GSTA5: variants seen among roughly 807,000 people sequenced by gnomAD.
GSTA5 encodes the protein glutathione S-transferase alpha 5.
In GSTA5, 25 loss-of-function variants were observed where a neutral mutation model predicts 21.8. The ratio of observed to expected loss-of-function variants is 1.14; its 90% CI spans 0.83 to 1.60. The LOEUF is 1.60. Ranked by LOEUF, GSTA5 falls within the 40% of genes most tolerant of loss-of-function variation. The pLI, the probability that GSTA5 is intolerant of heterozygous loss-of-function variation, is 0.00. For synonymous variants in GSTA5, 102 were observed against 89.5 expected (o/e 1.14, Z -0.78); for missense variants, 330 against 259.2 (o/e 1.27, Z -1.88).
At chr6:52,845,287 A>G (rs1764438703), upstream of GSTA5, among the ~76,000 whole-genome samples, 1 of 152,126 alleles carries the variant, frequency 6.6e-6, no homozygotes, top group Non-Finnish European at 1.5e-5. Context: ...ATGGTTCTCA[A>G]CTGGGGAGAT....
At chr6:52,841,564 T>A (rs767545463), upstream of GSTA5, among the ~76,000 whole-genome samples, 1 of 152,236 alleles carries the variant, frequency 6.6e-6, no homozygotes, top group African/African-American at 2.4e-5. Flanking sequence ...CTTGCTTCTT[T>A]TGGTGTTCTA....
chr6:52,831,906 C>A, exon 6 of GSTA5: 1 of 1,613,892 alleles, frequency 6.2e-7, no homozygotes. Flanking sequence ...GGGAGGCTTT[C>A]TCTGGCTGCC....
chr6:52,841,701 A>T (rs1299039923), upstream of GSTA5, among the ~76,000 whole-genome samples: 1 of 152,218 alleles, frequency 6.6e-6, no homozygotes, highest in East Asian at 1.9e-4. Flanking sequence ...CCATTCTTCT[A>T]AACTTCTCTC....
intron 5 of GSTA5, 53 bp downstream of exon 5, chr6:52,832,806 G>A: frequency 6.2e-7 from 1 of 1,611,368 alleles, no homozygotes; most frequent in South Asian, 1.1e-5. Context: ...CCAGATATGA[G>A]ATCCCAATAT....
chr6:52,842,685 G>GTGAGCCAC (rs1176108178), upstream of GSTA5, among the ~76,000 whole-genome samples: 1 of 152,078 alleles, frequency 6.6e-6, no homozygotes, highest in African/African-American at 2.4e-5. Context: ...AATTACAGGC[G>GTGAGCCAC]TGAGCCACTG....
At chr6:52,843,186 A>G (rs1377762734), upstream of GSTA5, among the ~76,000 whole-genome samples, 1 of 152,180 alleles carries the variant, frequency 6.6e-6, no homozygotes, top group Non-Finnish European at 1.5e-5. Flanking sequence ...AGTCTTTGCT[A>G]TTGTGAACAG....
chr6:52,845,504 C>G (rs1414051763), upstream of GSTA5, among the ~76,000 whole-genome samples: 1 of 152,292 alleles, frequency 6.6e-6, no homozygotes, highest in South Asian at 2.1e-4. Flanking sequence ...CTTAGCTATC[C>G]TGTAGATTGG....
At chr6:52,833,053 T>C in intron 4 of GSTA5, 63 bp from the exon 5 acceptor site, 1 of 1,593,792 alleles carries the variant, frequency 6.3e-7, no homozygotes, top group South Asian at 1.1e-5. Flanking sequence ...CCCTGCTTCT[T>C]TCAGAGCCTC....
At chr6:52,836,847 C>G (rs1197395289) in intron 2 of GSTA5, among the ~76,000 whole-genome samples, 1 of 152,198 alleles carries the variant, frequency 6.6e-6, no homozygotes, top group Admixed American at 6.5e-5. Flanking sequence ...TGTAGTTCTT[C>G]TTTTTCTTAA....
intron 1 of GSTA5, among the ~76,000 whole-genome samples, chr6:52,838,177 T>C (rs1204075292): frequency 6.6e-6 from 1 of 152,220 alleles, no homozygotes; most frequent in African/African-American, 2.4e-5. Context: ...TAGGGTAAAA[T>C]TCTCAATTTA....
At chr6:52,834,640 A>C (rs571631302) in intron 3 of GSTA5, among the ~76,000 whole-genome samples, 5 of 152,286 alleles carry the variant, frequency 3.3e-5, no homozygotes, top group South Asian at 4.1e-4. Flanking sequence ...TTATCATCTC[A>C]ATTGTGGCTT....
In GSTA5 at chr6:52,834,411, G is replaced by T. The variant is rs1045807136; in HGVS notation, c.273-129C>A. The T allele has an allele frequency of 1.0e-5, 8 of 783,442 alleles. No individual in the cohort carries two copies. The African/African-American group carries it at 1.2e-4, about 12-fold the overall frequency. The allele number at this position is 783,442 out of a possible 1,614,324, so 48.5% of individuals were successfully genotyped here. ...CACCTCCAGTTAGTGCCTTTTATACGCTAGTCATTATGCTCTGAGTTTTAC... is the reference window on the plus strand; with the variant it reads ...CACCTCCAGTTAGTGCCTTTTATACTCTAGTCATTATGCTCTGAGTTTTAC... On this transcript the variant is annotated intron_variant, in intron 3 of 5. Coordinates refer to ENST00000370989, the Ensembl canonical transcript of GSTA5.
exon 6 of GSTA5, chr6:52,831,962 T>G: frequency 6.2e-7 from 1 of 1,612,842 alleles, no homozygotes; most frequent in Admixed American, 1.7e-5. Flanking sequence ...TGATTCTGGT[T>G]TTCAGGGCCT....
intron 3 of GSTA5, among the ~76,000 whole-genome samples, chr6:52,834,952 T>C (rs1764271715): frequency 6.6e-6 from 1 of 152,216 alleles, no homozygotes; most frequent in Admixed American, 6.5e-5. Flanking sequence ...GTGCAAACTT[T>C]TCTTCTTTTG....
upstream of GSTA5, among the ~76,000 whole-genome samples, chr6:52,843,381 G>A (rs1303644708): frequency 6.6e-6 from 1 of 152,160 alleles, no homozygotes; most frequent in Non-Finnish European, 1.5e-5. Context: ...GTGTAAAAGT[G>A]TTGCTATTTC....
At chr6:52,834,695 C>T (rs1242997795) in intron 3 of GSTA5, among the ~76,000 whole-genome samples, 1 of 152,126 alleles carries the variant, frequency 6.6e-6, no homozygotes, top group Non-Finnish European at 1.5e-5. Context: ...CAAAGAGCTG[C>T]CCTCTAAGTA....
At chr6:52,836,416 C>A in intron 2 of GSTA5, 48 bp from the exon 3 acceptor site, 2 of 1,581,166 alleles carry the variant, frequency 1.3e-6, no homozygotes, top group Non-Finnish European at 1.7e-6. Context: ...ATGAAACCCA[C>A]CCTTTTGGGA....
intron 5 of GSTA5, 92 bp from the exon 6 acceptor site, chr6:52,832,062 A>T: frequency 6.6e-7 from 1 of 1,521,440 alleles, no homozygotes; most frequent in Non-Finnish European, 8.8e-7. Context: ...CATGCCAAAG[A>T]CCAAGCGAGT....
chr6:52,844,996 C>T (rs1266829968), upstream of GSTA5, among the ~76,000 whole-genome samples: 1 of 151,436 alleles, frequency 6.6e-6, no homozygotes, highest in Non-Finnish European at 1.5e-5. Flanking sequence ...ATCTGTCTGT[C>T]TCTTCATCAT....
Sources: gnomAD v4.1 joint callset for allele counts (sites outside exome capture counted in the v4.1 genomes callset) on GRCh38, gnomAD v4.1.1 for gene constraint, MANE v1.5 for transcripts, NCBI Gene and HGNC (gene_info 2026-07-23, HGNC 2026-07-21) for gene names.